The following ABCC9 variants were observed in gnomAD, a reference collection of about 807,000 sequenced individuals.
The protein encoded by ABCC9 is ATP-binding cassette sub-family C member 9.
ABCC9 carries 95 observed loss-of-function variants against 188.3 expected under a neutral mutation model. That is an observed-to-expected ratio of 0.50 (90% CI 0.43 to 0.60). ABCC9 has a LOEUF of 0.60. ABCC9 is among the 20% of genes least tolerant of loss of function. The pLI is 0.00. For missense variants in ABCC9, 1,102 were observed against 1,876.3 expected, an observed-to-expected ratio of 0.59 and a Z score of 7.62; for synonymous variants, 659 against 652.7, an observed-to-expected ratio of 1.01 and a Z score of -0.15.
intron 14 of ABCC9, among the ~76,000 whole-genome samples, 194 bp downstream of exon 14, chr12:21,893,838 A>T (rs1947282876): frequency 6.6e-6 from 1 of 152,246 alleles, no homozygotes. Context: ...AGATAAATTT[A>T]AAATTTTTGT....
At chr12:21,817,599 C>T (rs1942731208) in intron 32 of ABCC9, among the ~76,000 whole-genome samples, 1 of 152,104 alleles carries the variant, frequency 6.6e-6, no homozygotes, top group South Asian at 2.1e-4. Context: ...CATGTATATT[C>T]ACATTCATTG....
At chr12:21,931,623 G>A (rs1949292214) in intron 4 of ABCC9, among the ~76,000 whole-genome samples, 1 of 152,110 alleles carries the variant, frequency 6.6e-6, no homozygotes, top group Non-Finnish European at 1.5e-5. Flanking sequence ...GGACCTGACT[G>A]AATCTACATA....
intron 7 of ABCC9, 146 bp from the exon 8 acceptor site, chr12:21,913,212 C>T (rs535600310): frequency 1.5e-6 from 1 of 671,624 alleles, no homozygotes; most frequent in South Asian, 2.0e-5. Flanking sequence ...TGCCTTTCAG[C>T]ATAGCATGCA....
At chr12:21,808,841 A>G (rs374644627) in intron 37 of ABCC9, among the ~76,000 whole-genome samples, 22 of 151,330 alleles carry the variant, frequency 1.5e-4, no homozygotes, top group African/African-American at 5.3e-4. Context: ...TTCTGGAATT[A>G]TTTTCACAAC....
At chr12:21,862,625 G>C (rs1050699502) in intron 20 of ABCC9, among the ~76,000 whole-genome samples, 1 of 151,984 alleles carries the variant, frequency 6.6e-6, no homozygotes, top group Non-Finnish European at 1.5e-5. Flanking sequence ...AAATTTACTT[G>C]AATTTTTCCT....
intron 5 of ABCC9, chr12:21,925,281 A>G: frequency 2.0e-6 from 1 of 496,406 alleles, no homozygotes; most frequent in South Asian, 3.5e-5. Context: ...TTTTGACCCA[A>G]GGCAAAAATA....
intron 13 of ABCC9, among the ~76,000 whole-genome samples, chr12:21,894,902 G>C (rs1162161117): frequency 2.6e-5 from 4 of 152,192 alleles, no homozygotes; most frequent in Non-Finnish European, 5.9e-5. Flanking sequence ...CTGGGAACCA[G>C]ATCGTTGAGA....
chr12:21,886,893 A>G (rs1483837130), intron 15 of ABCC9, among the ~76,000 whole-genome samples: 1 of 152,076 alleles, frequency 6.6e-6, no homozygotes, highest in Non-Finnish European at 1.5e-5. Context: ...TTTTTTATTC[A>G]GGTCTTAGCT....
In ABCC9 at chr12:21,838,060, A is replaced by G. The variant is rs1944193551; in HGVS notation, c.3566+18T>C. ...ATGTTATTGCCTAGTCAGCTAATAT[A>G]AAAATGTGTTTACTCACCTAAAGGC... On this transcript the variant is annotated intron_variant, in intron 30 of 39. Transcript: ENST00000261200. The G allele has an allele frequency of 5.1e-5, 80 of 1,577,840 alleles. No individual in the cohort carries two copies. Among genetic ancestry groups the G allele is most frequent in the Non-Finnish European group, 6.7e-5 (77 of 1,147,032 alleles).
chr12:21,838,192 A>C (rs953299368), intron 29 of ABCC9, 22 bp from the exon 30 acceptor site: 3 of 1,499,210 alleles, frequency 2.0e-6, no homozygotes, highest in Non-Finnish European at 2.8e-6. Context: ...AGGGGCAAAA[A>C]TAAACTTCAT....
In ABCC9 at chr12:21,936,684, T is replaced by A; in HGVS notation, c.-10A>T. On this transcript the variant is annotated 5_prime_UTR_variant, in exon 3 of 40. Transcript: ENST00000261200. ...AAAATGAAAGGCTCATTTCTTCTTA[T>A]ATGGTTTACTCTAAAAGGGAGAGAA... 1 of 1,602,770 alleles carries A rather than the reference T, an allele frequency of 6.2e-7. No individual in the cohort carries two copies. Among genetic ancestry groups the A allele is most frequent in the Admixed American group, 1.7e-5 (1 of 59,936 alleles).
intron 4 of ABCC9, among the ~76,000 whole-genome samples, chr12:21,927,461 G>T (rs1331299784): frequency 6.6e-6 from 1 of 152,154 alleles, no homozygotes; most frequent in African/African-American, 2.4e-5. Context: ...TTCAGCTTTG[G>T]CAGCAGTAAC....
chr12:21,884,289 T>A (rs1592145433), intron 15 of ABCC9, among the ~76,000 whole-genome samples: 1 of 152,184 alleles, frequency 6.6e-6, no homozygotes, highest in African/African-American at 2.4e-5. Flanking sequence ...GCCCAGGTGG[T>A]CTCAAACACC....
intron 31 of ABCC9, among the ~76,000 whole-genome samples, chr12:21,819,193 T>A (rs1246164803): frequency 6.6e-6 from 1 of 152,128 alleles, no homozygotes; most frequent in Non-Finnish European, 1.5e-5. Flanking sequence ...TCTAAAAACT[T>A]CTCATGTTAA....
At chr12:21,829,403 G>C (rs1283813) in intron 30 of ABCC9, among the ~76,000 whole-genome samples, 3 of 151,760 alleles carry the variant, frequency 2.0e-5, no homozygotes, top group Admixed American at 6.6e-5. Flanking sequence ...AGGTTTCACC[G>C]TGTTAGCCAG....
intron 19 of ABCC9, 70 bp from the exon 20 acceptor site, chr12:21,863,124 T>G (rs574577066): frequency 1.0e-6 from 1 of 996,392 alleles, no homozygotes; most frequent in South Asian, 1.4e-5. Flanking sequence ...TGTATTTTAC[T>G]ATAAATAGGG....
At chr12:21,840,667 T>C (rs1944333883) in intron 29 of ABCC9, among the ~76,000 whole-genome samples, 1 of 152,182 alleles carries the variant, frequency 6.6e-6, no homozygotes, top group Non-Finnish European at 1.5e-5. Flanking sequence ...CACCAGCAAG[T>C]AGACCAGCAA....
At chr12:21,915,340 CAT>C (rs1484651172) in intron 7 of ABCC9, among the ~76,000 whole-genome samples, 11 of 122,254 alleles carry the variant, frequency 9.0e-5, no homozygotes, top group Admixed American at 3.3e-4. Flanking sequence ...TATATATAGA[CAT>C]GTGTATGTAT....
chr12:21,876,614 T>G (rs1195398899), intron 16 of ABCC9, among the ~76,000 whole-genome samples: 1 of 152,244 alleles, frequency 6.6e-6, no homozygotes, highest in African/African-American at 2.4e-5. Context: ...TTAACAAGCT[T>G]CAAGTGGACT....
Sources: allele counts gnomAD v4.1 joint callset (sites outside exome capture counted in the v4.1 genomes callset), GRCh38; gene constraint gnomAD v4.1.1; transcripts MANE v1.5; gene names NCBI Gene and HGNC (gene_info 2026-07-23, HGNC 2026-07-21).